VPS53: variants seen among roughly 807,000 people sequenced by gnomAD.
VPS53 encodes VPS53 subunit of GARP complex.
In VPS53, 70 loss-of-function variants were observed where a neutral mutation model predicts 107.0. The ratio of observed to expected loss-of-function variants is 0.65; its 90% confidence interval spans 0.54 to 0.80. The LOEUF (loss-of-function observed/expected upper bound fraction) is 0.80. Ranked by LOEUF, VPS53 falls within the 30% of genes least tolerant of loss-of-function variation. VPS53 has a pLI of 0.00. For missense variants in VPS53, 917 were observed against 1,049.4 expected, an observed-to-expected ratio of 0.87 and a Z score of 1.74; for synonymous variants, 409 against 393.3, an observed-to-expected ratio of 1.04 and a Z score of -0.47.
intron 4 of VPS53, among the ~76,000 whole-genome samples, chr17:672,734 C>A (rs1039604628): frequency 6.6e-6 from 1 of 152,178 alleles, no homozygotes; most frequent in Non-Finnish European, 1.5e-5. Flanking sequence ...AGAAAAAGAT[C>A]ACTAGCTAGG....
chr17:597,609 C>G (rs1452159684), intron 12 of VPS53, among the ~76,000 whole-genome samples: 2 of 152,180 alleles, frequency 1.3e-5, no homozygotes, highest in Non-Finnish European at 2.9e-5. Flanking sequence ...ATGGCGTGAT[C>G]TCGGCTCACT....
At chr17:662,819 A>AAAGAAAAAAAGAAAG in intron 4 of VPS53, among the ~76,000 whole-genome samples, 2 of 102,752 alleles carry the variant, frequency 1.9e-5, no homozygotes, top group African/African-American at 5.6e-5. Flanking sequence ...AAAAGAAAGA[A>AAAGAAAAAAAGAAAG]AGAGAAAGAG....
intron 13 of VPS53, among the ~76,000 whole-genome samples, chr17:577,357 A>C (rs998037091): frequency 7.9e-5 from 12 of 151,224 alleles, no homozygotes; most frequent in African/African-American, 2.9e-4. Context: ...CTCCCTCAGG[A>C]CCTCAATGCG....
At chr17:626,164 A>G (rs1969698706) in intron 10 of VPS53, among the ~76,000 whole-genome samples, 1 of 151,934 alleles carries the variant, frequency 6.6e-6, no homozygotes, top group East Asian at 1.9e-4. Context: ...AGCCATGATC[A>G]CACCACTGCA....
intron 7 of VPS53, among the ~76,000 whole-genome samples, chr17:652,294 C>T (rs896891396): frequency 2.0e-5 from 3 of 152,160 alleles, no homozygotes; most frequent in Non-Finnish European, 2.9e-5. Flanking sequence ...CATACCCGGC[C>T]GTGGCTCACT....
chr17:551,791 A>G (rs1911843415), intron 17 of VPS53, 81 bp downstream of exon 17: 4 of 1,258,650 alleles, frequency 3.2e-6, no homozygotes, highest in African/African-American at 1.5e-5. Flanking sequence ...ATGAGCCTGG[A>G]GAAGCTACAG....
At chr17:608,906 C>T (rs1384058077) in intron 11 of VPS53, among the ~76,000 whole-genome samples, 3 of 151,980 alleles carry the variant, frequency 2.0e-5, no homozygotes, top group African/African-American at 4.8e-5. Flanking sequence ...AGCCATTATG[C>T]CCGGCCCACT....
At chr17:697,915 C>T (rs1463800636) in intron 3 of VPS53, among the ~76,000 whole-genome samples, 4 of 152,118 alleles carry the variant, frequency 2.6e-5, no homozygotes, top group African/African-American at 9.7e-5. Flanking sequence ...GCTTCCGGGC[C>T]CTGATCATGC....
At chr17:523,021 G>A (rs115694064) in intron 19 of VPS53, 4 of 152,250 alleles carry the variant, frequency 2.6e-5, no homozygotes, top group African/African-American at 9.6e-5. Flanking sequence ...GAGAAAAGGT[G>A]GACTGGAAGC....
rs1973792216 is a variant in VPS53 at position 714,812 on chromosome 17, T to C, written c.-103A>G. 4 of 1,313,034 alleles carry C rather than the reference T, an allele frequency of 3.0e-6. No homozygotes were observed. In the Admixed American group the frequency reaches 6.9e-5, roughly 23 times the overall value. The allele number at this position is 1,313,034 out of a possible 1,614,324, so 81.3% of individuals were successfully genotyped here. ...CAACTCCCTCGCGGCAGCGACCTGGTGAGCCCGGCTCCGTCAGCCGCTCTG... is the reference window on the plus strand; with the variant it reads ...CAACTCCCTCGCGGCAGCGACCTGGCGAGCCCGGCTCCGTCAGCCGCTCTG... On this transcript the variant is annotated 5_prime_UTR_variant, in exon 1 of 22. Coordinates refer to ENST00000437048, the MANE Select transcript of VPS53 (RefSeq NM_001128159.3).
intron 12 of VPS53, among the ~76,000 whole-genome samples, chr17:592,962 G>C (rs116070207): frequency 0.043 from 6,473 of 152,120 alleles, 451 homozygotes; most frequent in African/African-American, 0.15. Context: ...AGTTCTCCTG[G>C]ATAGATCAAT....
intron 7 of VPS53, among the ~76,000 whole-genome samples, chr17:635,973 T>G (rs913804497): frequency 6.6e-6 from 1 of 152,224 alleles, no homozygotes; most frequent in African/African-American, 2.4e-5. Context: ...ACTGAATCTA[T>G]AAATTACCTT....
At chr17:629,594 T>TA (rs1267325265) in intron 8 of VPS53, among the ~76,000 whole-genome samples, 34 of 149,732 alleles carry the variant, frequency 2.3e-4, no homozygotes, top group Admixed American at 4.0e-4. Context: ...CCATCTCTAC[T>TA]AAAAAAAAAT....
intron 4 of VPS53, chr17:674,738 T>C (rs935963543): frequency 1.3e-5 from 2 of 152,254 alleles, no homozygotes; most frequent in African/African-American, 2.4e-5. Context: ...CTCCCAAATC[T>C]GCTTTTAAAT....
chr17:630,860 A>C (rs954770938), intron 8 of VPS53, among the ~76,000 whole-genome samples: 4 of 152,100 alleles, frequency 2.6e-5, no homozygotes, highest in Non-Finnish European at 5.9e-5. Flanking sequence ...GAAATAGCTC[A>C]AACAATAGAG....
chr17:704,825 C>A (rs1324343132), intron 2 of VPS53, among the ~76,000 whole-genome samples: 1 of 152,132 alleles, frequency 6.6e-6, no homozygotes, highest in Non-Finnish European at 1.5e-5. Context: ...TGGTTTCCTA[C>A]AAAATTTTCA....
At chr17:670,746 C>T (rs1971899591) in intron 4 of VPS53, among the ~76,000 whole-genome samples, 1 of 152,132 alleles carries the variant, frequency 6.6e-6, no homozygotes. Context: ...CCCTTTGTGG[C>T]CACTGCAGGA....
chr17:566,200 T>C (rs1913492424), intron 13 of VPS53, among the ~76,000 whole-genome samples: 1 of 126,058 alleles, frequency 7.9e-6, no homozygotes, highest in Non-Finnish European at 1.6e-5. Flanking sequence ...CGAGACTCCG[T>C]CTCAAAAAAA....
At chr17:619,902 A>C (rs11655383) in intron 11 of VPS53, among the ~76,000 whole-genome samples, 2,235 of 18,982 alleles carry the variant, frequency 0.12, 154 homozygotes, top group Middle Eastern at 0.18. Context: ...TCCCGGGTAG[A>C]TGGGACTACA....
Sources: gnomAD v4.1 joint callset for allele counts (sites outside exome capture counted in the v4.1 genomes callset) on GRCh38, gnomAD v4.1.1 for gene constraint, MANE v1.5 for transcripts, NCBI Gene and HGNC (gene_info 2026-07-23, HGNC 2026-07-21) for gene names.